Variants in SLC39A14 observed in about 807,000 individuals in gnomAD.
The protein encoded by SLC39A14 is solute carrier family 39 member 14, also known as metal cation symporter ZIP14.
SLC39A14 carries 19 observed loss-of-function variants against 45.5 expected under a neutral mutation model. That is an observed-to-expected ratio of 0.42 (90% CI 0.29 to 0.61). The LOEUF is 0.61. Ranked by LOEUF, SLC39A14 falls within the 20% of genes least tolerant of loss-of-function variation. SLC39A14 has a pLI of 0.22. For synonymous variants in SLC39A14, 264 were observed against 251.3 expected (o/e 1.05, Z -0.48); for missense variants, 447 against 616.5 (o/e 0.73, Z 2.91).
chr8:22,397,822 G>A (rs1219393109), intron 1 of SLC39A14, among the ~76,000 whole-genome samples: 1 of 152,206 alleles, frequency 6.6e-6, no homozygotes, highest in Non-Finnish European at 1.5e-5. Flanking sequence ...GGAAAGGGAA[G>A]GAAGAGTGGA....
At chr8:22,374,300 A>G (rs1413286364) in intron 1 of SLC39A14, among the ~76,000 whole-genome samples, 1 of 152,098 alleles carries the variant, frequency 6.6e-6, no homozygotes, top group Admixed American at 6.5e-5. Flanking sequence ...GCTGCTGAGT[A>G]CCATCTCCAT....
intron 1 of SLC39A14, among the ~76,000 whole-genome samples, chr8:22,370,254 C>T (rs958585460): frequency 3.3e-5 from 5 of 152,162 alleles, no homozygotes; most frequent in Non-Finnish European, 7.3e-5. Context: ...TACCTTCTTC[C>T]TCCTTCCTTA....
chr8:22,386,560 C>T (rs1374217495), intron 1 of SLC39A14, among the ~76,000 whole-genome samples: 1 of 152,232 alleles, frequency 6.6e-6, no homozygotes, highest in Non-Finnish European at 1.5e-5. Flanking sequence ...AGCCACCGTG[C>T]CCACCCCAGA....
rs560679765 is a variant in SLC39A14, at chr8:22,388,381, G to A, written c.-15-16315G>A. Among the ~76,000 whole-genome samples the A allele has an allele frequency of 1.4e-4, 21 of 152,272 alleles. No homozygotes were observed. The East Asian group carries it at 2.7e-3, about 20-fold the overall frequency. ...CGGGGAGGAGTGTGGAGATAGAAAC[G>A]TGTAGGGATGGAGGGGTAGGACATT... On this transcript the variant is annotated intron_variant, in intron 1 of 8. Coordinates refer to ENST00000381237, the MANE Select transcript of SLC39A14 (RefSeq NM_001128431.4).
intron 1 of SLC39A14, among the ~76,000 whole-genome samples, chr8:22,376,124 C>T (rs182497598): frequency 5.6e-4 from 86 of 152,234 alleles, no homozygotes; most frequent in Admixed American, 4.1e-3. Flanking sequence ...TGTTGGAACG[C>T]AAAGTGATGT....
chr8:22,389,844 G>C (rs1402319439), intron 1 of SLC39A14: 1 of 153,126 alleles, frequency 6.5e-6, no homozygotes, highest in Non-Finnish European at 1.5e-5. Flanking sequence ...CAGTCCAGAG[G>C]TCTTTTGGTT....
chr8:22,412,219 A>G lies in SLC39A14; in HGVS notation c.627+13A>G. 6.4e-7 allele frequency: 1 copy of G among 1,551,256 alleles called. No homozygotes were observed. Among genetic ancestry groups the G allele is most frequent in the Non-Finnish European group, 8.7e-7 (1 of 1,146,792 alleles). ...GCTCATCCCGGAGGTATGGCAAGCCAGGGCCTTCACCCCGGAGCATGCCGG... is the reference window on the plus strand; with the variant it reads ...GCTCATCCCGGAGGTATGGCAAGCCGGGGCCTTCACCCCGGAGCATGCCGG... On this transcript the variant is annotated intron_variant, in intron 4 of 8. Transcript: ENST00000381237.
At chr8:22,376,771 G>A (rs780205959) in intron 1 of SLC39A14, among the ~76,000 whole-genome samples, 3 of 151,992 alleles carry the variant, frequency 2.0e-5, no homozygotes, top group Non-Finnish European at 4.4e-5. Flanking sequence ...GCAGCTACTC[G>A]GGAGGCTGAG....
At position 22,422,329 on chromosome 8, in the gene SLC39A14, G is replaced by A. The variant is rs1333328623; in HGVS notation, c.*2631G>A. On this transcript the variant is annotated 3_prime_UTR_variant, in exon 9 of 9. Coordinates refer to ENST00000381237, the MANE Select transcript of SLC39A14 (RefSeq NM_001128431.4). ...GCTTGCCCCTGTCTTTGCCCCCAAAGGTATTTTGTGTCTAGTGTCAAATTG... is the reference window on the plus strand; with the variant it reads ...GCTTGCCCCTGTCTTTGCCCCCAAAAGTATTTTGTGTCTAGTGTCAAATTG... The A allele has an allele frequency of 2.0e-6, 2 of 985,700 alleles. No individual in the cohort carries two copies. Among genetic ancestry groups the A allele is most frequent in the East Asian group, 1.1e-4 (1 of 8,830 alleles). The allele number at this position is 985,700 out of a possible 1,614,324, so 61.1% of individuals were successfully genotyped here.
chr8:22,388,409 A>G (rs982716887), intron 1 of SLC39A14, among the ~76,000 whole-genome samples: 2 of 151,772 alleles, frequency 1.3e-5, no homozygotes, highest in Non-Finnish European at 2.9e-5. Context: ...AGGACATTTC[A>G]GATGCAGCCC....
chr8:22,398,266 TCAAAC>T, intron 1 of SLC39A14: 1 of 152,218 alleles, frequency 6.6e-6, no homozygotes, highest in Non-Finnish European at 1.5e-5. Flanking sequence ...TAGACTGTCT[TCAAAC>T]CGACCGCCAC....
At chr8:22,418,218 A>G (rs563742631) in intron 8 of SLC39A14, among the ~76,000 whole-genome samples, 14 of 152,290 alleles carry the variant, frequency 9.2e-5, no homozygotes, top group Middle Eastern at 3.4e-3. Context: ...TTTGTTTTTA[A>G]TAACATCTTC....
chr8:22,372,049 A>G (rs1361380508), intron 1 of SLC39A14, among the ~76,000 whole-genome samples: 8 of 151,958 alleles, frequency 5.3e-5, no homozygotes, highest in Non-Finnish European at 7.4e-5. Context: ...CGGCCCCTTT[A>G]TTTTATCTTT....
rs182503504 is a variant in SLC39A14, at chr8:22,392,871, C to A, written c.-15-11825C>A. The A allele has an allele frequency of 5.9e-3, 892 of 152,384 alleles. 8 individuals carry two copies. Among genetic ancestry groups the A allele is most frequent in the South Asian group, 0.054 (260 of 4,818 alleles). The allele number at this position is 152,384 out of a possible 1,614,324, so 9.4% of individuals were successfully genotyped here. ...CAGCGTGGGGCTAAATAAGCCATTC[C>A]CTGTTTGTCTGTGCCGCTGCCTGGG... On this transcript the variant is annotated intron_variant, in intron 1 of 8. Transcript: ENST00000381237.
chr8:22,403,919 C>CAAAG (rs757016934), intron 1 of SLC39A14, among the ~76,000 whole-genome samples: 1 of 80,662 alleles, frequency 1.2e-5, no homozygotes, highest in African/African-American at 3.1e-5. Flanking sequence ...GTCTCAAAAA[C>CAAAG]AAACAAACAA....
intron 3 of SLC39A14, among the ~76,000 whole-genome samples, chr8:22,411,211 C>T (rs555052613): frequency 2.6e-5 from 4 of 152,334 alleles, no homozygotes; most frequent in Middle Eastern, 3.4e-3. Flanking sequence ...GTGTGTGCTC[C>T]ACCCCTGTGG....
chr8:22,393,738 C>G (rs1834211646), intron 1 of SLC39A14, among the ~76,000 whole-genome samples: 1 of 152,144 alleles, frequency 6.6e-6, no homozygotes, highest in African/African-American at 2.4e-5. Context: ...GTGGCACAGT[C>G]ATAGCTCACT....
intron 3 of SLC39A14, among the ~76,000 whole-genome samples, chr8:22,409,452 G>A (rs1835435366): frequency 6.6e-6 from 1 of 151,154 alleles, no homozygotes; most frequent in South Asian, 2.1e-4. Context: ...GTGCAATCTC[G>A]GCTCACTGCA....
chr8:22,375,607 C>T (rs760707330), intron 1 of SLC39A14, among the ~76,000 whole-genome samples: 2 of 151,902 alleles, frequency 1.3e-5, no homozygotes, highest in Non-Finnish European at 2.9e-5. Context: ...TGCCTCAGCG[C>T]CCCCTAATAA....
Sources: allele counts gnomAD v4.1 joint callset (sites outside exome capture counted in the v4.1 genomes callset), GRCh38; gene constraint gnomAD v4.1.1; transcripts MANE v1.5; gene names NCBI Gene and HGNC (gene_info 2026-07-23, HGNC 2026-07-21).